PCDHGA1: variants seen among roughly 807,000 people sequenced by gnomAD.
PCDHGA1 encodes protocadherin gamma subfamily A, 1.
PCDHGA1 carries 32 observed loss-of-function variants against 58.0 expected under a neutral mutation model. The observed-to-expected ratio is 0.55, with a 90% CI of 0.42 to 0.74. PCDHGA1 has a LOEUF of 0.74. Among genes scored for constraint, PCDHGA1 ranks in the 30% least tolerant of loss-of-function variants. PCDHGA1 has a pLI of 0.00. For missense variants in PCDHGA1, 1,205 were observed against 1,182.3 expected (o/e 1.02, Z -0.28); for synonymous variants, 498 against 501.1 (o/e 0.99, Z 0.08).
intron 1 of PCDHGA1, chr5:141,409,788 C>T (rs1224847553): frequency 3.1e-6 from 5 of 1,612,138 alleles, no homozygotes; most frequent in Admixed American, 1.7e-5. Flanking sequence ...CGCGCCTTCG[C>T]GCTCACGCTG....
intron 3 of PCDHGA1, among the ~76,000 whole-genome samples, chr5:141,510,166 A>G (rs1280391099): frequency 6.6e-6 from 1 of 151,872 alleles, no homozygotes; most frequent in African/African-American, 2.4e-5. Flanking sequence ...TCAGCTACTC[A>G]GGAGGTTGAG....
chr5:141,423,848 G>C (rs1353181066), intron 1 of PCDHGA1: 1 of 1,277,462 alleles, frequency 7.8e-7, no homozygotes, highest in Non-Finnish European at 9.9e-7. Flanking sequence ...TAATCTTTCA[G>C]AACGTTTTTG....
chr5:141,421,388 G>A (rs369403750), intron 1 of PCDHGA1: 1 of 1,613,934 alleles, frequency 6.2e-7, no homozygotes, highest in Non-Finnish European at 8.5e-7. Context: ...AAGGACCTGG[G>A]GCTGGAGCCC....
chr5:141,467,203 C>T (rs896621746), intron 1 of PCDHGA1, among the ~76,000 whole-genome samples: 1 of 152,052 alleles, frequency 6.6e-6, no homozygotes, highest in African/African-American at 2.4e-5. Flanking sequence ...CAGGCACATG[C>T]CACCATGCCT....
chr5:141,404,651 C>T, intron 1 of PCDHGA1: 2 of 1,614,184 alleles, frequency 1.2e-6, no homozygotes, highest in Non-Finnish European at 1.7e-6. Flanking sequence ...GTACCCTGCC[C>T]TCCCCACTGA....
In PCDHGA1 at chr5:141,344,630, C is replaced by A. The variant is rs372984587; in HGVS notation, c.2421+11525C>A. 4.6e-5 allele frequency: 74 copies of A among 1,613,862 alleles called. 1 individual carries two copies. The South Asian group carries it at 7.7e-4, about 17-fold the overall frequency. On this transcript the variant is annotated intron_variant, in intron 1 of 3. Coordinates refer to ENST00000517417, the MANE Select transcript of PCDHGA1 (RefSeq NM_018912.3). ...ATCCAGAGCTGGTGCTGGAGCGGGCCCTGGACCGTGAGAAAAAAGAAATTC... is the reference window on the plus strand; with the variant it reads ...ATCCAGAGCTGGTGCTGGAGCGGGCACTGGACCGTGAGAAAAAAGAAATTC...
intron 1 of PCDHGA1, chr5:141,393,188 T>C: frequency 6.2e-7 from 1 of 1,613,358 alleles, no homozygotes; most frequent in South Asian, 1.1e-5. Context: ...AAATAATTGA[T>C]ATTAACGATA....
At position 141,431,493 on chromosome 5, in the gene PCDHGA1, C is replaced by G. The variant is rs1281626711; in HGVS notation, c.2422-63314C>G. On this transcript the variant is annotated intron_variant, in intron 1 of 3. Transcript: ENST00000517417. The surrounding 1 kb of genome is among the most constrained non-coding windows in gnomAD (Gnocchi z 4.8). ...GACAACGCACCAGCGTTTGCTCAGC[C>G]CGAGTACCGCGCGAGCGTTCCGGAG... 1 of 1,613,994 alleles carries G rather than the reference C, an allele frequency of 6.2e-7. No individual in the cohort carries two copies. The highest frequency in any genetic ancestry group is 8.5e-7 in the Non-Finnish European group (1 of 1,180,042).
intron 1 of PCDHGA1, chr5:141,376,712 C>A (rs1323983418): frequency 3.2e-6 from 2 of 620,108 alleles, no homozygotes; most frequent in South Asian, 2.1e-5. Context: ...CGGAGTCTCG[C>A]TCTGTCGCCC....
chr5:141,340,937 G>A (rs1355486436), intron 1 of PCDHGA1: 1 of 1,613,688 alleles, frequency 6.2e-7, no homozygotes, highest in Non-Finnish European at 8.5e-7. Context: ...CCCTCTCTCC[G>A]CCACTGTCAC....
chr5:141,345,172 G>A, intron 1 of PCDHGA1: 4 of 1,613,902 alleles, frequency 2.5e-6, no homozygotes, highest in South Asian at 1.1e-5. Flanking sequence ...GGGCAGAATG[G>A]GCAGGTTGAA....
intron 1 of PCDHGA1, chr5:141,413,678 T>G (rs201325660): frequency 5.6e-6 from 9 of 1,613,632 alleles, no homozygotes; most frequent in Non-Finnish European, 7.6e-6. Flanking sequence ...GATGTGGGCG[T>G]GAACTCCCTG....
At chr5:141,390,355 T>C in intron 1 of PCDHGA1, 1 of 1,554,132 alleles carries the variant, frequency 6.4e-7, no homozygotes, top group Non-Finnish European at 8.8e-7. Flanking sequence ...AATATACATA[T>C]TTGCAGGAAA....
At position 141,371,773 on chromosome 5, in the gene PCDHGA1, A is replaced by C. The variant is rs148367405; in HGVS notation, c.2421+38668A>C. The C allele has an allele frequency of 2.9e-5, 46 of 1,614,020 alleles. No individual in the cohort carries two copies. In the Middle Eastern group the frequency reaches 6.6e-4, roughly 23 times the overall value. On this transcript the variant is annotated intron_variant, in intron 1 of 3. Coordinates refer to ENST00000517417, the MANE Select transcript of PCDHGA1 (RefSeq NM_018912.3). ...TTCCACCAGGCCTCCTACACCGTGC[A>C]TGTAGCTGAGAACAATCCGCCTGGA...
At chr5:141,428,400 G>C (rs373595231) in intron 1 of PCDHGA1, 4 of 483,290 alleles carry the variant, frequency 8.3e-6, no homozygotes, top group African/African-American at 2.0e-5. Flanking sequence ...CCTCTGCCTG[G>C]GGTTGCTTTC....
At chr5:141,474,041 GC>G (rs1242668125) in intron 1 of PCDHGA1, among the ~76,000 whole-genome samples, 3 of 152,140 alleles carry the variant, frequency 2.0e-5, no homozygotes. Context: ...CTGTACTCCA[GC>G]CTGGATGACA....
intron 1 of PCDHGA1, chr5:141,427,630 T>C (rs1043983899): frequency 2.8e-6 from 2 of 702,530 alleles, no homozygotes; most frequent in African/African-American, 1.7e-5. Context: ...AATGCTCCGG[T>C]TTTCCACCAA....
At chr5:141,423,874 A>T (rs1264795133) in intron 1 of PCDHGA1, 2 of 1,283,268 alleles carry the variant, frequency 1.6e-6, no homozygotes, top group African/African-American at 3.1e-5. Flanking sequence ...GTCATTTTTC[A>T]ATCTTGGCAT....
intron 1 of PCDHGA1, among the ~76,000 whole-genome samples, chr5:141,405,943 CATA>C (rs1017424287): frequency 6.6e-6 from 1 of 152,106 alleles, no homozygotes; most frequent in Non-Finnish European, 1.5e-5. Flanking sequence ...TTCATGTTCT[CATA>C]ATAATTAACC....
Sources: allele counts gnomAD v4.1 joint callset (sites outside exome capture counted in the v4.1 genomes callset), GRCh38; gene constraint gnomAD v4.1.1; non-coding constraint Gnocchi (gnomAD v3.1); transcripts MANE v1.5; gene names NCBI Gene and HGNC (gene_info 2026-07-23, HGNC 2026-07-21).